The following TAF3 variants were observed in gnomAD, a reference collection of about 807,000 sequenced individuals.
TAF3 encodes the protein TATA-box binding protein associated factor 3.
A neutral mutation model predicts 80.6 loss-of-function variants in TAF3; 7 were observed. The observed-to-expected ratio is 0.09, with a 90% CI of 0.05 to 0.16. TAF3 has a LOEUF of 0.16. Among genes scored for constraint, TAF3 ranks in the 10% least tolerant of loss-of-function variants. TAF3 has a pLI of 1.00. For missense variants in TAF3, 921 were observed against 1,140.2 expected (o/e 0.81, Z 2.77); for synonymous variants, 444 against 446.1 (o/e 1.00, Z 0.06).
chr10:7,993,495 G>C (rs940703071), intron 4 of TAF3, among the ~76,000 whole-genome samples: 5 of 152,112 alleles, frequency 3.3e-5, no homozygotes, highest in African/African-American at 1.2e-4. Flanking sequence ...TTTTTGCCAT[G>C]CAATTGATTT....
Position 7,952,109 on chromosome 10 carries a change from G to T in TAF3, c.410-11811G>T, listed in dbSNP as rs11255459. On this transcript the variant is annotated intron_variant, in intron 2 of 6. Coordinates refer to ENST00000344293, the MANE Select transcript of TAF3 (RefSeq NM_031923.4). The stretch of plus-strand genomic sequence containing the variant: ...GATGATAGTGATTTGTGAATGTGTG[G>T]TGTTTGATTATAAATTTGATTTGCA... 6.3e-3 allele frequency among the ~76,000 whole-genome samples: 960 copies of T among 152,302 alleles called. 27 individuals are homozygous for T. In the East Asian group the frequency reaches 0.073, roughly 12 times the overall value.
chr10:7,927,269 G>A (rs1837825034), intron 2 of TAF3, among the ~76,000 whole-genome samples: 1 of 152,222 alleles, frequency 6.6e-6, no homozygotes, highest in Non-Finnish European at 1.5e-5. Flanking sequence ...TGGTGGCCAT[G>A]TAATTGCCAT....
chr10:7,897,180 C>G (rs1564359000), intron 2 of TAF3, among the ~76,000 whole-genome samples: 1 of 152,236 alleles, frequency 6.6e-6, no homozygotes, highest in Non-Finnish European at 1.5e-5. Flanking sequence ...TGTGCATCAT[C>G]ATCCTGGGAG....
intron 2 of TAF3, among the ~76,000 whole-genome samples, chr10:7,859,755 G>A (rs1837124944): frequency 6.6e-6 from 1 of 152,174 alleles, no homozygotes; most frequent in South Asian, 2.1e-4. Flanking sequence ...TAATCCATGA[G>A]AAGAGATATT....
intron 2 of TAF3, among the ~76,000 whole-genome samples, chr10:7,921,701 G>C (rs11255444): frequency 0.29 from 44,379 of 151,956 alleles, 7,808 homozygotes; most frequent in Non-Finnish European, 0.38. Flanking sequence ...TTTCAGGTAA[G>C]GTTGTATAGT....
At chr10:7,870,992 T>C (rs1837259926) in intron 2 of TAF3, among the ~76,000 whole-genome samples, 1 of 152,210 alleles carries the variant, frequency 6.6e-6, no homozygotes, top group Non-Finnish European at 1.5e-5. Flanking sequence ...GTATCTGTGA[T>C]AGAAATTATT....
intron 4 of TAF3, among the ~76,000 whole-genome samples, chr10:7,999,778 G>A (rs939865950): frequency 1.3e-5 from 2 of 152,094 alleles, no homozygotes; most frequent in East Asian, 1.9e-4. Flanking sequence ...CTTTATGTAC[G>A]AAAATACCAT....
intron 2 of TAF3, among the ~76,000 whole-genome samples, chr10:7,859,400 C>T (rs554319266): frequency 4.5e-4 from 69 of 152,258 alleles, no homozygotes; most frequent in African/African-American, 1.4e-3. Flanking sequence ...AGGAGGGCAG[C>T]GGGGATTTCT....
intron 2 of TAF3, among the ~76,000 whole-genome samples, chr10:7,925,139 G>C (rs1837802878): frequency 6.6e-6 from 1 of 152,126 alleles, no homozygotes; most frequent in African/African-American, 2.4e-5. Flanking sequence ...TGAACCTTGG[G>C]ATAAAAGTCT....
chr10:7,911,521 G>A (rs1357114885), intron 2 of TAF3, among the ~76,000 whole-genome samples: 2 of 152,186 alleles, frequency 1.3e-5, no homozygotes, highest in Non-Finnish European at 2.9e-5. Context: ...TACATACCTC[G>A]TGTCGTATTA....
At chr10:7,871,099 T>TA (rs1194760666) in intron 2 of TAF3, among the ~76,000 whole-genome samples, 2 of 152,214 alleles carry the variant, frequency 1.3e-5, no homozygotes, top group Non-Finnish European at 2.9e-5. Flanking sequence ...GTCAGTCGTT[T>TA]AATATACTTG....
intron 2 of TAF3, among the ~76,000 whole-genome samples, chr10:7,839,358 C>T (rs1488478101): frequency 1.3e-5 from 2 of 152,206 alleles, no homozygotes; most frequent in Non-Finnish European, 2.9e-5. Flanking sequence ...CACTCATTCT[C>T]CATTTCACCA....
At chr10:7,827,336 A>G (rs1836751969) in intron 2 of TAF3, among the ~76,000 whole-genome samples, 1 of 151,840 alleles carries the variant, frequency 6.6e-6, no homozygotes, top group South Asian at 2.1e-4. Flanking sequence ...TTTTTTTGTT[A>G]ACACATTTAT....
At chr10:7,897,557 G>A (rs997057479) in intron 2 of TAF3, among the ~76,000 whole-genome samples, 2 of 151,804 alleles carry the variant, frequency 1.3e-5, no homozygotes, top group African/African-American at 4.8e-5. Context: ...CAACTGATGG[G>A]CTCTTTTAAT....
At chr10:7,976,149 G>A (rs897901158) in intron 3 of TAF3, among the ~76,000 whole-genome samples, 3 of 152,144 alleles carry the variant, frequency 2.0e-5, no homozygotes, top group Non-Finnish European at 4.4e-5. Flanking sequence ...CTGACGAACA[G>A]GTCAGATCTT....
intron 2 of TAF3, among the ~76,000 whole-genome samples, chr10:7,910,149 G>C (rs1042176277): frequency 6.6e-6 from 1 of 152,070 alleles, no homozygotes; most frequent in Non-Finnish European, 1.5e-5. Context: ...ACAGCCTGTA[G>C]GTAGGGTACA....
chr10:7,900,094 A>T (rs954773177), intron 2 of TAF3, among the ~76,000 whole-genome samples: 8 of 152,220 alleles, frequency 5.3e-5, no homozygotes, highest in African/African-American at 1.9e-4. Flanking sequence ...GTAATGGTGT[A>T]AAGCTTACAC....
intron 4 of TAF3, 117 bp from the exon 5 acceptor site, chr10:8,008,961 G>C (rs1258180472): frequency 1.4e-6 from 2 of 1,394,064 alleles, no homozygotes; most frequent in African/African-American, 2.9e-5. Context: ...GCTGCCTCTA[G>C]ACGTTGAAGT....
chr10:7,920,959 G>A (rs1001516185), intron 2 of TAF3, among the ~76,000 whole-genome samples: 6 of 152,132 alleles, frequency 3.9e-5, no homozygotes, highest in African/African-American at 1.4e-4. Context: ...TTTTCTTGAG[G>A]TGGTTAGGGG....
Sources: allele counts gnomAD v4.1 joint callset (sites outside exome capture counted in the v4.1 genomes callset), GRCh38; gene constraint gnomAD v4.1.1; transcripts MANE v1.5; gene names NCBI Gene and HGNC (gene_info 2026-07-23, HGNC 2026-07-21).